PTPRG: variants seen among roughly 807,000 people sequenced by gnomAD.
PTPRG encodes the protein receptor-type tyrosine-protein phosphatase gamma.
In PTPRG, 102 loss-of-function variants were observed where a neutral mutation model predicts 165.3. The observed-to-expected ratio is 0.62, with a 90% CI of 0.53 to 0.73. The LOEUF is 0.73. PTPRG is among the 30% of genes least tolerant of loss of function. The pLI, the probability that PTPRG is intolerant of heterozygous loss-of-function variation, is 0.00. For synonymous variants in PTPRG, 675 were observed against 669.5 expected (o/e 1.01, Z -0.13); for missense variants, 1,866 against 1,861.4 (o/e 1.00, Z -0.05).
chr3:61,571,778 G>A (rs1222788963), intron 1 of PTPRG, among the ~76,000 whole-genome samples: 1 of 152,134 alleles, frequency 6.6e-6, no homozygotes, highest in Non-Finnish European at 1.5e-5. Context: ...CTAAGTGTGG[G>A]CAGCAGGCTC....
intron 4 of PTPRG, among the ~76,000 whole-genome samples, chr3:62,061,685 G>T (rs1226603331): frequency 1.3e-5 from 2 of 149,902 alleles, no homozygotes; most frequent in African/African-American, 4.9e-5. Flanking sequence ...CCGGAGTGTA[G>T]TGGTGCCATC....
chr3:61,626,883 T>C (rs1701624203), intron 1 of PTPRG, among the ~76,000 whole-genome samples: 1 of 152,174 alleles, frequency 6.6e-6, no homozygotes, highest in Non-Finnish European at 1.5e-5. Context: ...GATCAAATGC[T>C]GGGGATACAG....
intron 2 of PTPRG, among the ~76,000 whole-genome samples, chr3:61,837,023 G>A (rs1056353272): frequency 1.5e-4 from 23 of 152,064 alleles, no homozygotes; most frequent in African/African-American, 5.3e-4. Context: ...CGATTCTCCT[G>A]TCTCACCCCC....
rs774438510 is a variant in PTPRG, at chr3:61,753,601, T to TTTTTTTG, written c.190+4619_190+4620insTTTTTTG. On this transcript the variant is annotated intron_variant, in intron 2 of 29. Coordinates refer to ENST00000474889, the MANE Select transcript of PTPRG (RefSeq NM_002841.4). The stretch of plus-strand genomic sequence containing the variant: ...AATTTGAGGGTTTTTTTTTTTTTTT[T>TTTTTTTG]GGAGATTGGATCTTGCTCTTTCACC... 662 of 441,074 alleles carry TTTTTTTG rather than the reference T, an allele frequency of 1.5e-3. 2 individuals carry two copies. The highest frequency in any genetic ancestry group is 2.8e-3 in the Middle Eastern group (6 of 2,178). The allele number at this position is 441,074 out of a possible 1,614,324, so 27.3% of individuals were successfully genotyped here. A position where few individuals can be genotyped will look rare whatever the true frequency, so the allele number is the denominator to read the frequency against.
intron 2 of PTPRG, among the ~76,000 whole-genome samples, chr3:61,876,762 C>T (rs1437361677): frequency 1.3e-5 from 2 of 151,974 alleles, no homozygotes; most frequent in African/African-American, 4.8e-5. Flanking sequence ...AAGGTATAAG[C>T]CCTTCTATTA....
At position 61,777,051 on chromosome 3, in the gene PTPRG, T is replaced by A. The variant is rs186231127; in HGVS notation, c.190+28069T>A. 5.9e-3 allele frequency among the ~76,000 whole-genome samples: 903 copies of A among 152,298 alleles called. 10 individuals carry two copies. Among genetic ancestry groups the A allele is most frequent in the Non-Finnish European group, 5.3e-3 (358 of 68,032 alleles). ...TTCCTGGGCCTAGATCAGTACTGCATATGAAGTTCTCAAATAAATATTTGA... is the reference window on the plus strand; with the variant it reads ...TTCCTGGGCCTAGATCAGTACTGCAAATGAAGTTCTCAAATAAATATTTGA... On this transcript the variant is annotated intron_variant, in intron 2 of 29. Coordinates refer to ENST00000474889, the MANE Select transcript of PTPRG (RefSeq NM_002841.4).
In PTPRG at chr3:62,293,368, C is replaced by G. The variant is rs569277010; in HGVS notation, c.*61C>G. On this transcript the variant is annotated 3_prime_UTR_variant, in exon 30 of 30. Transcript: ENST00000474889. ...CTGAAGACTGAGAACTTTTTTGAGG[C>G]CTTTTTTGCCAGACTCTAGGTTATA... 2.6e-4 allele frequency: 361 copies of G among 1,398,282 alleles called. 2 individuals carry two copies. In the South Asian group the frequency reaches 3.4e-3, roughly 13 times the overall value. 86.6% of individuals were successfully genotyped at this position (1,398,282 alleles called of 1,614,324 possible). A position where few individuals can be genotyped will look rare whatever the true frequency, so the allele number is the denominator to read the frequency against.
chr3:62,245,918 TC>T lies in PTPRG; in HGVS notation c.2467+2022del, dbSNP rs1701279722. 6.6e-6 allele frequency among the ~76,000 whole-genome samples: 1 copy of T among 152,106 alleles called. No individual in the cohort carries two copies. On this transcript the variant is annotated intron_variant, in intron 15 of 29. Coordinates refer to ENST00000474889, the MANE Select transcript of PTPRG (RefSeq NM_002841.4). This position sits in a 1 kb window ranked among gnomAD's most constrained non-coding sequence, Gnocchi z 4.2. ...CTTTAGAACTTTCAATTCACTAGGA[TC>T]CTCTGAATATGCCTTGCAACACCTT... is the stretch of plus-strand genomic sequence containing the variant.
At chr3:62,028,546 T>TA (rs1245493348) in intron 4 of PTPRG, among the ~76,000 whole-genome samples, 1 of 152,214 alleles carries the variant, frequency 6.6e-6, no homozygotes, top group East Asian at 1.9e-4. Context: ...CATTCATATT[T>TA]AAGCCTTGCC....
intron 1 of PTPRG, among the ~76,000 whole-genome samples, chr3:61,611,183 C>G (rs1701156353): frequency 6.6e-6 from 1 of 152,152 alleles, no homozygotes; most frequent in Non-Finnish European, 1.5e-5. Flanking sequence ...AAGTATGAGA[C>G]TTAGAGCCAG....
intron 4 of PTPRG, among the ~76,000 whole-genome samples, chr3:62,053,949 G>A (rs954974103): frequency 4.6e-5 from 7 of 152,024 alleles, no homozygotes; most frequent in Non-Finnish European, 2.9e-5. Context: ...AAATATGAAG[G>A]GTACTACATG....
intron 8 of PTPRG, among the ~76,000 whole-genome samples, chr3:62,172,456 G>A (rs1705252570): frequency 6.6e-6 from 1 of 152,126 alleles, no homozygotes; most frequent in Admixed American, 6.5e-5. Flanking sequence ...TGAATATGAG[G>A]TTGCATCAGT....
intron 2 of PTPRG, among the ~76,000 whole-genome samples, chr3:61,768,485 C>T (rs548594310): frequency 1.2e-4 from 18 of 152,198 alleles, no homozygotes; most frequent in Middle Eastern, 3.4e-3. Flanking sequence ...AGGAAGTCCC[C>T]GGCAAGTAGC....
At chr3:61,743,284 G>GA (rs1322920149) in intron 1 of PTPRG, among the ~76,000 whole-genome samples, 1 of 152,120 alleles carries the variant, frequency 6.6e-6, no homozygotes, top group Non-Finnish European at 1.5e-5. Context: ...CAACCAACTT[G>GA]ACTTAAGATT....
chr3:61,586,245 C>T (rs769714276), intron 1 of PTPRG, among the ~76,000 whole-genome samples: 11 of 150,896 alleles, frequency 7.3e-5, no homozygotes, highest in Non-Finnish European at 8.8e-5. Flanking sequence ...ACAAGTTCTT[C>T]AGTGGGAAAT....
At chr3:62,012,385 T>G (rs888533688) in intron 4 of PTPRG, among the ~76,000 whole-genome samples, 1 of 152,228 alleles carries the variant, frequency 6.6e-6, no homozygotes, top group Non-Finnish European at 1.5e-5. Context: ...GTAGAAGTCA[T>G]TTTTTCAGAA....
intron 1 of PTPRG, among the ~76,000 whole-genome samples, chr3:61,660,273 A>G (rs1426175171): frequency 6.6e-6 from 1 of 152,160 alleles, no homozygotes; most frequent in Non-Finnish European, 1.5e-5. Flanking sequence ...TTCTGGAAAC[A>G]CTAAGGAGAT....
chr3:61,562,462 T>A, intron 1 of PTPRG, 90 bp downstream of exon 1: 2 of 1,268,366 alleles, frequency 1.6e-6, no homozygotes, highest in Non-Finnish European at 2.3e-6. Flanking sequence ...CCGGCGCCCG[T>A]CCGGGAGACC....
intron 11 of PTPRG, among the ~76,000 whole-genome samples, chr3:62,202,958 T>C (rs1700130257): frequency 1.3e-5 from 2 of 152,216 alleles, no homozygotes; most frequent in Non-Finnish European, 2.9e-5. Flanking sequence ...CATTTTAACA[T>C]GTTCACAATT....
Sources: gnomAD v4.1 joint callset for allele counts (sites outside exome capture counted in the v4.1 genomes callset) on GRCh38, gnomAD v4.1.1 for gene constraint, Gnocchi (gnomAD v3.1) non-coding constraint, MANE v1.5 for transcripts, NCBI Gene and HGNC (gene_info 2026-07-23, HGNC 2026-07-21) for gene names.